CADM2: variants seen among roughly 807,000 people sequenced by gnomAD.
CADM2 encodes the protein cell adhesion molecule 2.
In CADM2, 12 loss-of-function variants were observed where a neutral mutation model predicts 49.8. That is an observed-to-expected ratio of 0.24 (90% CI 0.15 to 0.39). The LOEUF is 0.39. Ranked by LOEUF, CADM2 falls within the 10% of genes least tolerant of loss-of-function variation. CADM2 has a pLI of 1.00. For synonymous variants in CADM2, 214 were observed against 175.4 expected, an observed-to-expected ratio of 1.22 and a Z score of -1.74; for missense variants, 378 against 492.3, an observed-to-expected ratio of 0.77 and a Z score of 2.20.
At chr3:85,358,255 G>A (rs2032039315) in intron 1 of CADM2, among the ~76,000 whole-genome samples, 1 of 152,080 alleles carries the variant, frequency 6.6e-6, no homozygotes, top group Non-Finnish European at 1.5e-5. Context: ...CCCCTGGACA[G>A]CAAAATCACT....
intron 1 of CADM2, among the ~76,000 whole-genome samples, chr3:85,685,440 A>G (rs1234804745): frequency 1.3e-5 from 2 of 152,144 alleles, no homozygotes; most frequent in East Asian, 3.9e-4. Flanking sequence ...GATGTTGGGA[A>G]TAGGGGAGGC....
chr3:85,154,407 C>T (rs1411691394), intron 1 of CADM2, among the ~76,000 whole-genome samples: 31 of 152,076 alleles, frequency 2.0e-4, no homozygotes, highest in African/African-American at 3.4e-4. Flanking sequence ...TAAAAAGAAA[C>T]GAGCAAAGCC....
chr3:85,409,615 T>G (rs1212296819), intron 1 of CADM2, among the ~76,000 whole-genome samples: 1 of 152,134 alleles, frequency 6.6e-6, no homozygotes, highest in African/African-American at 2.4e-5. Flanking sequence ...TTTAAAGGGC[T>G]AATTTTGAAA....
At chr3:85,133,832 C>G (rs1190198308) in intron 1 of CADM2, among the ~76,000 whole-genome samples, 1 of 152,244 alleles carries the variant, frequency 6.6e-6, no homozygotes, top group African/African-American at 2.4e-5. Flanking sequence ...GCAGGTGGAG[C>G]TGCCTGCCAG....
rs941940544 is a variant in CADM2 at position 86,070,363 on chromosome 3, C to T, written c.*3580C>T. On this transcript the variant is annotated 3_prime_UTR_variant, in exon 10 of 10. Coordinates refer to ENST00000383699, the MANE Select transcript of CADM2 (RefSeq NM_001167675.2). The stretch of plus-strand genomic sequence containing the variant: ...TGACAGTGATGGCTCTTCCATGTAA[C>T]ATAGCAGTTATCGTGTAATTTAGTG... 20 of 151,894 alleles carry T rather than the reference C, an allele frequency of 1.3e-4. No homozygotes were observed. The highest frequency in any genetic ancestry group is 4.6e-4 in the African/African-American group (19 of 41,408). The allele number at this position is 151,894 out of a possible 1,614,324, so 9.4% of individuals were successfully genotyped here.
At chr3:85,092,314 TAAG>T (rs900928074) in intron 1 of CADM2, among the ~76,000 whole-genome samples, 9 of 152,298 alleles carry the variant, frequency 5.9e-5, no homozygotes, top group African/African-American at 1.7e-4. Flanking sequence ...CTCTTCTATG[TAAG>T]AAGAATAGCA....
chr3:85,298,833 T>C (rs925286094), intron 1 of CADM2, among the ~76,000 whole-genome samples: 3 of 152,142 alleles, frequency 2.0e-5, no homozygotes, highest in Non-Finnish European at 2.9e-5. Flanking sequence ...GGATAACATA[T>C]AGTCATTGAG....
At chr3:85,265,120 A>G (rs1045719440) in intron 1 of CADM2, among the ~76,000 whole-genome samples, 1 of 152,056 alleles carries the variant, frequency 6.6e-6, no homozygotes, top group African/African-American at 2.4e-5. Context: ...AAATATTTAA[A>G]TAGGTTATAG....
intron 7 of CADM2, among the ~76,000 whole-genome samples, chr3:85,940,814 A>G (rs1340358442): frequency 6.6e-6 from 1 of 152,014 alleles, no homozygotes. Flanking sequence ...AAATCACTTA[A>G]CCACACTGAG....
At chr3:85,531,524 A>C (rs2061308536) in intron 1 of CADM2, among the ~76,000 whole-genome samples, 1 of 152,208 alleles carries the variant, frequency 6.6e-6, no homozygotes, top group African/African-American at 2.4e-5. Context: ...TTTTCCTCAA[A>C]TGGATATTTT....
intron 8 of CADM2, among the ~76,000 whole-genome samples, chr3:86,038,960 G>A (rs1478873864): frequency 6.6e-6 from 1 of 152,114 alleles, no homozygotes; most frequent in Non-Finnish European, 1.5e-5. Flanking sequence ...ACATTTAGAA[G>A]GAGAATCTGG....
At chr3:85,836,194 A>T (rs1330894723) in intron 3 of CADM2, among the ~76,000 whole-genome samples, 1 of 151,588 alleles carries the variant, frequency 6.6e-6, no homozygotes, top group Non-Finnish European at 1.5e-5. Context: ...AAAAAAACCT[A>T]CCTTAAAATG....
intron 1 of CADM2, among the ~76,000 whole-genome samples, chr3:85,389,659 A>G (rs2034424920): frequency 6.6e-6 from 1 of 151,944 alleles, no homozygotes; most frequent in Non-Finnish European, 1.5e-5. Context: ...GACATTTCCT[A>G]TATTTTCTGA....
chr3:85,324,185 A>G (rs1293504112), intron 1 of CADM2, among the ~76,000 whole-genome samples: 3 of 152,246 alleles, frequency 2.0e-5, no homozygotes, highest in East Asian at 3.8e-4. Context: ...ATATACTTGT[A>G]TAAAACCTTA....
chr3:85,596,779 C>T (rs1224750190), intron 1 of CADM2, among the ~76,000 whole-genome samples: 4 of 152,002 alleles, frequency 2.6e-5, no homozygotes, highest in African/African-American at 7.2e-5. Flanking sequence ...TGCAGTGGCC[C>T]GATCTTAACT....
chr3:86,066,565 C>A lies in CADM2; in HGVS notation c.1097-100C>A, dbSNP rs949902313. Reference sequence around the variant, plus strand: ...GTCAATCGGGTAGCATATTAGGTCTCAAAAATCTGGCAAAAGTTTCTTCCT... The same window carrying A: ...GTCAATCGGGTAGCATATTAGGTCTAAAAAATCTGGCAAAAGTTTCTTCCT... On this transcript the variant is annotated intron_variant, in intron 9 of 9. Transcript: ENST00000383699. The A allele has an allele frequency of 1.0e-5, 9 of 899,886 alleles. No individual in the cohort carries two copies. In the African/African-American group the frequency reaches 1.2e-4, roughly 12 times the overall value. The allele number at this position is 899,886 out of a possible 1,614,324, so 55.7% of individuals were successfully genotyped here.
intron 5 of CADM2, among the ~76,000 whole-genome samples, chr3:85,900,108 G>A (rs1715908640): frequency 1.3e-5 from 2 of 151,888 alleles, no homozygotes; most frequent in African/African-American, 2.4e-5. Context: ...ACTATTTTAG[G>A]GTTCATCTCA....
intron 1 of CADM2, among the ~76,000 whole-genome samples, chr3:85,523,978 A>G (rs1262500446): frequency 1.3e-5 from 2 of 152,122 alleles, no homozygotes; most frequent in Non-Finnish European, 2.9e-5. Flanking sequence ...AATATTGTTA[A>G]TTATTTAGGG....
At chr3:85,218,592 T>TA (rs2041981431) in intron 1 of CADM2, among the ~76,000 whole-genome samples, 2 of 152,132 alleles carry the variant, frequency 1.3e-5, no homozygotes. Flanking sequence ...GATTAAGAGA[T>TA]AGAGACCATT....
Sources: gnomAD v4.1 joint callset for allele counts (sites outside exome capture counted in the v4.1 genomes callset) on GRCh38, gnomAD v4.1.1 for gene constraint, MANE v1.5 for transcripts, NCBI Gene and HGNC (gene_info 2026-07-23, HGNC 2026-07-21) for gene names.